NRXN3: variants seen among roughly 807,000 people sequenced by gnomAD.
NRXN3 encodes neurexin III.
A neutral mutation model predicts 137.6 loss-of-function variants in NRXN3; 32 were observed. The observed-to-expected ratio is 0.23, with a 90% CI of 0.18 to 0.31. The LOEUF (loss-of-function observed/expected upper bound fraction) is 0.31. NRXN3 is among the 10% of genes least tolerant of loss of function. The pLI, the probability that NRXN3 is intolerant of heterozygous loss-of-function variation, is 1.00. For missense variants in NRXN3, 1,574 were observed against 2,062.5 expected (o/e 0.76, Z 4.59); for synonymous variants, 798 against 784.5 (o/e 1.02, Z -0.29).
At chr14:78,503,803 C>G (rs2095926923) in intron 4 of NRXN3, among the ~76,000 whole-genome samples, 1 of 152,134 alleles carries the variant, frequency 6.6e-6, no homozygotes, top group African/African-American at 2.4e-5. Context: ...TTCTCTAGGA[C>G]AGGCCCACTT....
intron 4 of NRXN3, among the ~76,000 whole-genome samples, chr14:78,528,769 A>G (rs979415491): frequency 4.1e-4 from 62 of 152,200 alleles, no homozygotes; most frequent in African/African-American, 1.4e-3. Flanking sequence ...TTGGGGTCCT[A>G]TCTTTATTTA....
At chr14:78,709,961 G>T in intron 7 of NRXN3, 1 of 350,650 alleles carries the variant, frequency 2.9e-6, no homozygotes, top group Non-Finnish European at 5.3e-6. Flanking sequence ...TCATGTCACT[G>T]GTGTGATCCG....
At position 79,354,416 on chromosome 14, in the gene NRXN3, A is replaced by T. The variant is rs143614868; in HGVS notation, c.3263-112805A>T. Among the ~76,000 whole-genome samples, 972 of 152,290 alleles carry T rather than the reference A, an allele frequency of 6.4e-3. 7 individuals are homozygous for T. Among genetic ancestry groups the T allele is most frequent in the African/African-American group, 0.022 (905 of 41,566 alleles). On this transcript the variant is annotated intron_variant, in intron 15 of 20. Transcript: ENST00000335750. The stretch of plus-strand genomic sequence containing the variant: ...TATCACCAAAAAATAAACATTTTTT[A>T]AAAAAATTAGGTGACTATTTTCATG...
intron 15 of NRXN3, among the ~76,000 whole-genome samples, chr14:78,998,726 A>G (rs928899378): frequency 3.3e-5 from 5 of 150,398 alleles, no homozygotes; most frequent in African/African-American, 9.8e-5. Context: ...AGCCTCCTGA[A>G]TAACTGAGAT....
intron 4 of NRXN3, among the ~76,000 whole-genome samples, chr14:78,447,282 G>A (rs2094443146): frequency 6.6e-6 from 1 of 152,132 alleles, no homozygotes; most frequent in Non-Finnish European, 1.5e-5. Flanking sequence ...TGCTAAAGTG[G>A]GATATGAATG....
At chr14:78,803,900 G>T in intron 9 of NRXN3, 77 bp downstream of exon 9, 2 of 1,379,472 alleles carry the variant, frequency 1.4e-6, no homozygotes, top group South Asian at 1.2e-5. Flanking sequence ...TGGTTTGATT[G>T]AATTCTTTGT....
At chr14:79,134,692 A>T (rs1036676727) in intron 15 of NRXN3, among the ~76,000 whole-genome samples, 1 of 152,198 alleles carries the variant, frequency 6.6e-6, no homozygotes, top group Non-Finnish European at 1.5e-5. Context: ...TTTTCAAATT[A>T]TCCTTTTGAG....
chr14:79,069,567 A>G (rs1243011401), intron 15 of NRXN3, among the ~76,000 whole-genome samples: 1 of 151,858 alleles, frequency 6.6e-6, no homozygotes, highest in African/African-American at 2.4e-5. Flanking sequence ...ATTTTATAAA[A>G]AAAAAAAAAG....
At chr14:78,808,438 C>T (rs959764280) in intron 9 of NRXN3, among the ~76,000 whole-genome samples, 2 of 152,128 alleles carry the variant, frequency 1.3e-5, no homozygotes, top group Admixed American at 1.3e-4. Flanking sequence ...ATAAGCGTGC[C>T]CATACACCAG....
rs550060747 is a variant in NRXN3 at position 79,160,749 on chromosome 14, G to C, written c.3262+172608G>C. On this transcript the variant is annotated intron_variant, in intron 15 of 20. Transcript: ENST00000335750. ...TCTAAAATGATACTCAGATACTTAA[G>C]AGGCTTCACGTGTTGTAGGCAGAAG... is the stretch of plus-strand genomic sequence containing the variant. Among the ~76,000 whole-genome samples, 6 of 151,978 alleles carry C rather than the reference G, an allele frequency of 3.9e-5. 1 individual carries two copies. In the South Asian group the frequency reaches 6.2e-4, roughly 16 times the overall value.
At chr14:79,194,637 C>A (rs182859655) in intron 15 of NRXN3, among the ~76,000 whole-genome samples, 1 of 152,314 alleles carries the variant, frequency 6.6e-6, no homozygotes, top group East Asian at 1.9e-4. Flanking sequence ...GGCAGTCAGA[C>A]CCAAGAGGTC....
intron 15 of NRXN3, among the ~76,000 whole-genome samples, chr14:79,268,717 G>A (rs1172412923): frequency 6.6e-6 from 1 of 152,118 alleles, no homozygotes; most frequent in Non-Finnish European, 1.5e-5. Context: ...GGTGGTTTGG[G>A]TTCAAATACT....
chr14:78,188,315 C>G (rs561504718), intron 1 of NRXN3, among the ~76,000 whole-genome samples: 4 of 152,260 alleles, frequency 2.6e-5, no homozygotes, highest in Admixed American at 2.6e-4. Context: ...CATCTGAGAT[C>G]AAGGTCATGG....
At chr14:79,365,490 C>T (rs1331629518) in intron 15 of NRXN3, among the ~76,000 whole-genome samples, 1 of 151,448 alleles carries the variant, frequency 6.6e-6, no homozygotes, top group African/African-American at 2.4e-5. Flanking sequence ...GAGGCCGAGG[C>T]GGGTGGATCA....
At chr14:79,720,660 A>G (rs575692546) in intron 19 of NRXN3, among the ~76,000 whole-genome samples, 3 of 152,136 alleles carry the variant, frequency 2.0e-5, no homozygotes, top group Non-Finnish European at 4.4e-5. Context: ...TACCACTGAG[A>G]TACTTCAAGG....
At chr14:78,852,577 A>G (rs2099045527) in intron 10 of NRXN3, among the ~76,000 whole-genome samples, 1 of 152,114 alleles carries the variant, frequency 6.6e-6, no homozygotes, top group Admixed American at 6.6e-5. Flanking sequence ...TCATATGTTC[A>G]TGTGTTTTAT....
intron 19 of NRXN3, among the ~76,000 whole-genome samples, chr14:79,748,279 T>C (rs1443331939): frequency 2.0e-5 from 3 of 151,938 alleles, no homozygotes; most frequent in Admixed American, 2.0e-4. Flanking sequence ...CCTCTTAAAG[T>C]TATAAGGGAG....
At chr14:79,600,320 G>A (rs908398204) in intron 16 of NRXN3, among the ~76,000 whole-genome samples, 79 of 152,264 alleles carry the variant, frequency 5.2e-4, no homozygotes, top group African/African-American at 1.8e-3. Context: ...CCAATGGCCA[G>A]TCAAATTTAT....
intron 8 of NRXN3, among the ~76,000 whole-genome samples, chr14:78,793,748 A>G (rs977130829): frequency 6.6e-6 from 1 of 152,164 alleles, no homozygotes; most frequent in African/African-American, 2.4e-5. Flanking sequence ...CCAGAGGGAA[A>G]GCAAGTGTTC....
Sources: allele counts gnomAD v4.1 joint callset (sites outside exome capture counted in the v4.1 genomes callset), GRCh38; gene constraint gnomAD v4.1.1; transcripts MANE v1.5; gene names NCBI Gene and HGNC (gene_info 2026-07-23, HGNC 2026-07-21).